EFCAB11: variants seen among roughly 807,000 people sequenced by gnomAD.
EFCAB11 encodes EF-hand calcium-binding domain-containing protein 11.
EFCAB11 carries 14 observed loss-of-function variants against 23.0 expected under a neutral mutation model. The observed-to-expected ratio is 0.61, with a 90% CI of 0.40 to 0.95. The LOEUF is 0.95. Ranked by LOEUF, EFCAB11 falls within the 40% of genes least tolerant of loss-of-function variation. The pLI, the probability that EFCAB11 is intolerant of heterozygous loss-of-function variation, is 0.00. For missense variants in EFCAB11, 198 were observed against 195.8 expected (o/e 1.01, Z -0.07); for synonymous variants, 65 against 66.6 (o/e 0.98, Z 0.11).
intron 5 of EFCAB11, among the ~76,000 whole-genome samples, chr14:89,896,321 C>T (rs890009124): frequency 2.6e-5 from 4 of 151,832 alleles, no homozygotes; most frequent in Admixed American, 6.6e-5. Context: ...ACCCGGGAGG[C>T]GGAGCTTGCA....
intron 5 of EFCAB11, among the ~76,000 whole-genome samples, chr14:89,897,008 T>C (rs578096806): frequency 6.6e-6 from 1 of 152,262 alleles, no homozygotes; most frequent in South Asian, 2.1e-4. Context: ...ATTATAGGCG[T>C]GAACCACTGT....
At chr14:89,848,355 C>T (rs1279459654) in intron 5 of EFCAB11, 1 of 152,148 alleles carries the variant, frequency 6.6e-6, no homozygotes, top group African/African-American at 2.4e-5. Context: ...GATTTCTTCC[C>T]TCTCACTCAG....
intron 5 of EFCAB11, among the ~76,000 whole-genome samples, chr14:89,916,615 A>C (rs1889852402): frequency 6.6e-6 from 1 of 152,204 alleles, no homozygotes; most frequent in Non-Finnish European, 1.5e-5. Context: ...GTAAACTTTG[A>C]TCAGATTAAT....
At chr14:89,880,429 G>A (rs1407369798) in intron 5 of EFCAB11, among the ~76,000 whole-genome samples, 1 of 152,180 alleles carries the variant, frequency 6.6e-6, no homozygotes, top group Non-Finnish European at 1.5e-5. Context: ...GCAGCTCAAA[G>A]GGACTAAGAC....
chr14:89,799,886 G>C (rs537431827), intron 5 of EFCAB11, among the ~76,000 whole-genome samples: 1 of 152,094 alleles, frequency 6.6e-6, no homozygotes, highest in Admixed American at 6.6e-5. Context: ...TTGTTTTACC[G>C]AGTCTAAAAA....
chr14:89,830,685 T>C (rs1421680347), intron 5 of EFCAB11: 1 of 152,190 alleles, frequency 6.6e-6, no homozygotes, highest in Non-Finnish European at 1.5e-5. Context: ...AGTTACTTTA[T>C]TTTGAACAGT....
intron 5 of EFCAB11, among the ~76,000 whole-genome samples, chr14:89,810,105 C>T (rs1249327245): frequency 1.3e-5 from 2 of 152,236 alleles, no homozygotes; most frequent in African/African-American, 4.8e-5. Flanking sequence ...CCTCACCTGC[C>T]TATGAACTTG....
chr14:89,921,972 T>C (rs1890033876), intron 5 of EFCAB11, among the ~76,000 whole-genome samples: 1 of 152,140 alleles, frequency 6.6e-6, no homozygotes, highest in African/African-American at 2.4e-5. Context: ...ACACGAGAAA[T>C]TGATTCCTTT....
chr14:89,953,876 C>T (rs1891299493), intron 2 of EFCAB11, 30 bp downstream of exon 2: 2 of 1,582,992 alleles, frequency 1.3e-6, no homozygotes, highest in African/African-American at 1.4e-5. Flanking sequence ...GATCGTCTAC[C>T]CCATCCCCAA....
chr14:89,816,448 AAAAG>A (rs1886340490), intron 5 of EFCAB11, among the ~76,000 whole-genome samples: 1 of 152,232 alleles, frequency 6.6e-6, no homozygotes, highest in Admixed American at 6.5e-5. Flanking sequence ...AAGTAACCAT[AAAAG>A]AAATATGTTC....
chr14:89,826,719 T>C lies in EFCAB11; in HGVS notation c.411-29395A>G, dbSNP rs908936957. The stretch of plus-strand genomic sequence containing the variant: ...TTGAGCTTGTCATTTTTTTTTTCCA[T>C]AAGAATGCCACTAAAGGCAGAATAG... On this transcript the variant is annotated intron_variant, in intron 5 of 5. Transcript: ENST00000316738. Among the ~76,000 whole-genome samples, 4 of 152,080 alleles carry C rather than the reference T, an allele frequency of 2.6e-5. No individual in the cohort carries two copies. The East Asian group carries it at 7.7e-4, about 29-fold the overall frequency.
At chr14:89,799,512 G>C (rs1364727199) in intron 5 of EFCAB11, 1 of 152,178 alleles carries the variant, frequency 6.6e-6, no homozygotes, top group Non-Finnish European at 1.5e-5. Flanking sequence ...ACTGGCTGAG[G>C]AGAGGAAGGA....
rs115197303 is a variant in EFCAB11 at position 89,809,378 on chromosome 14, G to T, written c.411-12054C>A. 3.4e-3 allele frequency among the ~76,000 whole-genome samples: 512 copies of T among 152,294 alleles called. 2 individuals carry two copies. Among genetic ancestry groups the T allele is most frequent in the African/African-American group, 0.012 (484 of 41,544 alleles). On this transcript the variant is annotated intron_variant, in intron 5 of 5. Coordinates refer to ENST00000316738, the MANE Select transcript of EFCAB11 (RefSeq NM_145231.4). ...TTGCCACACTAATACCAATTTCAGG[G>T]ATTCAAATTACTGGCCCAATCCAGC...
intron 5 of EFCAB11, among the ~76,000 whole-genome samples, chr14:89,886,398 G>C (rs1266895144): frequency 6.6e-6 from 1 of 151,542 alleles, no homozygotes; most frequent in Non-Finnish European, 1.5e-5. Flanking sequence ...GGTGCCTGTA[G>C]TCCCAGCTAT....
At chr14:89,938,277 A>AT in intron 3 of EFCAB11, 1 of 152,310 alleles carries the variant, frequency 6.6e-6, no homozygotes, top group East Asian at 1.9e-4. Context: ...TCACATATTG[A>AT]TTTTTCCAGG....
Position 89,797,228 on chromosome 14 carries a change from A to G in EFCAB11, c.*15T>C, listed in dbSNP as rs1270049851. 4.3e-6 allele frequency: 7 copies of G among 1,610,826 alleles called. No homozygotes were observed. The highest frequency in any genetic ancestry group is 5.1e-6 in the Non-Finnish European group (6 of 1,177,820). On this transcript the variant is annotated 3_prime_UTR_variant, in exon 6 of 6. Coordinates refer to ENST00000316738, the MANE Select transcript of EFCAB11 (RefSeq NM_145231.4). ...TATTGATCTCCCCAGAGTTACCAAA[A>G]GTAGTTCACAATAGTTAGGCTTCCT...
intron 5 of EFCAB11, among the ~76,000 whole-genome samples, chr14:89,834,175 A>G (rs562872153): frequency 2.7e-5 from 4 of 145,752 alleles, no homozygotes; most frequent in Admixed American, 6.9e-5. Context: ...AGGAGATAGA[A>G]ACCATCCTGG....
chr14:89,926,067 C>T (rs1265660012), intron 5 of EFCAB11, among the ~76,000 whole-genome samples: 1 of 152,162 alleles, frequency 6.6e-6, no homozygotes, highest in African/African-American at 2.4e-5. Flanking sequence ...CCACTCGTCT[C>T]GGCCTCCCAA....
chr14:89,838,676 C>T (rs531000567), intron 5 of EFCAB11, among the ~76,000 whole-genome samples: 210 of 152,206 alleles, frequency 1.4e-3, no homozygotes, highest in African/African-American at 4.6e-3. Context: ...GGAATACAAA[C>T]GCATTTTGCT....
Sources: gnomAD v4.1 joint callset for allele counts (sites outside exome capture counted in the v4.1 genomes callset) on GRCh38, gnomAD v4.1.1 for gene constraint, MANE v1.5 for transcripts, NCBI Gene and HGNC (gene_info 2026-07-23, HGNC 2026-07-21) for gene names.